SPOCK3: variants seen among roughly 807,000 people sequenced by gnomAD.
SPOCK3 encodes SPARC (osteonectin), cwcv and kazal like domains proteoglycan 3, also known as testican-3.
In SPOCK3, 30 loss-of-function variants were observed where a neutral mutation model predicts 56.6. The observed-to-expected ratio is 0.53, with a 90% CI of 0.40 to 0.72. The LOEUF is 0.72. Among genes scored for constraint, SPOCK3 ranks in the 30% least tolerant of loss-of-function variants. The pLI, the probability that SPOCK3 is intolerant of heterozygous loss-of-function variation, is 0.00. For missense variants in SPOCK3, 527 were observed against 530.0 expected (o/e 0.99, Z 0.06); for synonymous variants, 196 against 183.3 (o/e 1.07, Z -0.56).
chr4:166,930,719 C>T (rs530048135), intron 4 of SPOCK3, among the ~76,000 whole-genome samples: 2 of 152,292 alleles, frequency 1.3e-5, no homozygotes, highest in East Asian at 3.9e-4. Flanking sequence ...AAAGCATAGA[C>T]AGGAAGTTAG....
At chr4:167,152,904 CCTAT>C (rs1443920824) in intron 2 of SPOCK3, among the ~76,000 whole-genome samples, 4 of 151,952 alleles carry the variant, frequency 2.6e-5, no homozygotes, top group Admixed American at 6.6e-5. Context: ...GTTTGTTTAG[CCTAT>C]CTATTTATTT....
chr4:166,790,208 A>G (rs1189860009), intron 7 of SPOCK3, among the ~76,000 whole-genome samples: 1 of 152,208 alleles, frequency 6.6e-6, no homozygotes, highest in Non-Finnish European at 1.5e-5. Context: ...ATTGAGTTTA[A>G]GTACTCTGGT....
intron 6 of SPOCK3, among the ~76,000 whole-genome samples, chr4:166,846,314 T>C (rs1392272577): frequency 6.6e-6 from 1 of 152,120 alleles, no homozygotes; most frequent in Non-Finnish European, 1.5e-5. Context: ...ATTTGCCTTT[T>C]AAGTGACAGA....
chr4:166,924,982 A>G (rs1344139644), intron 4 of SPOCK3, among the ~76,000 whole-genome samples: 1 of 152,222 alleles, frequency 6.6e-6, no homozygotes, highest in Non-Finnish European at 1.5e-5. Flanking sequence ...TCCCTGGGGT[A>G]CTTTAATCAC....
chr4:166,961,695 CA>C (rs1421836173), intron 4 of SPOCK3, among the ~76,000 whole-genome samples: 4 of 151,994 alleles, frequency 2.6e-5, no homozygotes, highest in Non-Finnish European at 4.4e-5. Flanking sequence ...CAAAACCTTC[CA>C]AAAGATAGTT....
At chr4:166,903,292 G>C (rs1477444833) in intron 5 of SPOCK3, among the ~76,000 whole-genome samples, 3 of 151,768 alleles carry the variant, frequency 2.0e-5, no homozygotes, top group Non-Finnish European at 4.4e-5. Flanking sequence ...AGGCTTCCAA[G>C]TCTTGGTGTA....
At chr4:166,937,830 C>A (rs1367879498) in intron 4 of SPOCK3, among the ~76,000 whole-genome samples, 1 of 147,144 alleles carries the variant, frequency 6.8e-6, no homozygotes, top group African/African-American at 2.5e-5. Context: ...GTGGGGCGAT[C>A]TCGGCTCACT....
chr4:167,163,694 T>C (rs951088491), intron 2 of SPOCK3, among the ~76,000 whole-genome samples: 1 of 152,106 alleles, frequency 6.6e-6, no homozygotes, highest in African/African-American at 2.4e-5. Flanking sequence ...AGCTTATCTT[T>C]CCATGCCTGA....
chr4:167,010,053 T>G lies in SPOCK3; in HGVS notation c.236-9590A>C, dbSNP rs184834621. On this transcript the variant is annotated intron_variant, in intron 3 of 10. Coordinates refer to ENST00000357545, the MANE Select transcript of SPOCK3 (RefSeq NM_001040159.2). The stretch of plus-strand genomic sequence containing the variant: ...CTACCAAAGCACATTATGCTGAAAC[T>G]GCAAAGAAATAAACAATAAGTGGGT... Among the ~76,000 whole-genome samples, 295 of 152,084 alleles carry G rather than the reference T, an allele frequency of 1.9e-3. 1 individual carries two copies. The highest frequency in any genetic ancestry group is 5.7e-3 in the African/African-American group (236 of 41,496).
intron 2 of SPOCK3, among the ~76,000 whole-genome samples, chr4:167,079,475 T>A (rs13110285): frequency 0.023 from 3,567 of 152,030 alleles, 78 homozygotes; most frequent in Middle Eastern, 0.061. Context: ...AAATTTAGAA[T>A]CAGCATCCAA....
At chr4:167,137,668 A>G (rs1171869776) in intron 2 of SPOCK3, among the ~76,000 whole-genome samples, 1 of 151,944 alleles carries the variant, frequency 6.6e-6, no homozygotes, top group Non-Finnish European at 1.5e-5. Context: ...TTCTGACTAT[A>G]CAACTAACTC....
Position 167,119,199 on chromosome 4 carries a change from T to C in SPOCK3, c.190-56662A>G, listed in dbSNP as rs372190755. Among the ~76,000 whole-genome samples the C allele has an allele frequency of 5.9e-5, 9 of 152,150 alleles. No individual in the cohort carries two copies. In the East Asian group the frequency reaches 1.5e-3, roughly 26 times the overall value. On this transcript the variant is annotated intron_variant, in intron 2 of 10. Transcript: ENST00000357545. ...GGAGAATAACAAAAATAATCTGTAATGGCAATTCTATAGTTAAATAGAAAG... is the reference window on the plus strand; with the variant it reads ...GGAGAATAACAAAAATAATCTGTAACGGCAATTCTATAGTTAAATAGAAAG...
chr4:167,079,167 A>T (rs74319598), intron 2 of SPOCK3, among the ~76,000 whole-genome samples: 1,845 of 152,124 alleles, frequency 0.012, 20 homozygotes, highest in Non-Finnish European at 0.018. Flanking sequence ...AAAACAAAAC[A>T]TTGAAACATC....
intron 2 of SPOCK3, among the ~76,000 whole-genome samples, chr4:167,197,929 A>G (rs1431970039): frequency 1.3e-5 from 2 of 152,154 alleles, no homozygotes; most frequent in African/African-American, 2.4e-5. Context: ...AGGGCCAACC[A>G]ATGTGTGGCT....
intron 2 of SPOCK3, among the ~76,000 whole-genome samples, chr4:167,196,325 G>A (rs1428942123): frequency 1.3e-5 from 2 of 152,072 alleles, no homozygotes; most frequent in African/African-American, 4.8e-5. Flanking sequence ...TAACACGTTT[G>A]TTGTATTAGT....
intron 6 of SPOCK3, among the ~76,000 whole-genome samples, chr4:166,849,514 A>C (rs568752007): frequency 6.6e-6 from 1 of 152,294 alleles, no homozygotes; most frequent in African/African-American, 2.4e-5. Context: ...TTGTTTGGCC[A>C]GGGAAGGTTT....
At chr4:166,822,708 T>TTATCA (rs1275560141) in intron 6 of SPOCK3, among the ~76,000 whole-genome samples, 4 of 152,086 alleles carry the variant, frequency 2.6e-5, no homozygotes, top group African/African-American at 9.7e-5. Context: ...TTCTTGTAAT[T>TTATCA]TATCATCTTT....
chr4:166,907,450 C>A (rs941887876), intron 5 of SPOCK3, among the ~76,000 whole-genome samples: 1 of 152,076 alleles, frequency 6.6e-6, no homozygotes, highest in African/African-American at 2.4e-5. Flanking sequence ...AAAATGAGTT[C>A]TTTTCCTACC....
At chr4:167,060,582 T>C (rs1755492450) in intron 3 of SPOCK3, among the ~76,000 whole-genome samples, 1 of 152,140 alleles carries the variant, frequency 6.6e-6, no homozygotes, top group Admixed American at 6.6e-5. Flanking sequence ...GTTTATCAAC[T>C]ATATATGTTC....
Sources: gnomAD v4.1 joint callset for allele counts (sites outside exome capture counted in the v4.1 genomes callset) on GRCh38, gnomAD v4.1.1 for gene constraint, MANE v1.5 for transcripts, NCBI Gene and HGNC (gene_info 2026-07-23, HGNC 2026-07-21) for gene names.